SERPINE2: variants seen among roughly 807,000 people sequenced by gnomAD.
The protein encoded by SERPINE2 is serpin family E member 2, also known as glia-derived nexin.
A neutral mutation model predicts 36.3 loss-of-function variants in SERPINE2; 14 were observed. The observed-to-expected ratio is 0.39, with a 90% confidence interval of 0.25 to 0.60. SERPINE2 has a LOEUF of 0.60. Ranked by LOEUF, SERPINE2 falls within the 20% of genes least tolerant of loss-of-function variation. The pLI, the probability that SERPINE2 is intolerant of heterozygous loss-of-function variation, is 0.57. For missense variants in SERPINE2, 418 were observed against 499.6 expected, an observed-to-expected ratio of 0.84 and a Z score of 1.56; for synonymous variants, 192 against 191.8, an observed-to-expected ratio of 1.00 and a Z score of -0.01.
At position 223,989,618 on chromosome 2, in the gene SERPINE2, G is replaced by C. The variant is rs578094708; in HGVS notation, c.685+2185C>G. Among the ~76,000 whole-genome samples the C allele has an allele frequency of 1.4e-4, 22 of 152,288 alleles. No homozygotes were observed. In the South Asian group the frequency reaches 4.6e-3, roughly 32 times the overall value. On this transcript the variant is annotated intron_variant, in intron 4 of 8. Coordinates refer to ENST00000409304, the MANE Select transcript of SERPINE2 (RefSeq NM_001136528.2). ...GGGTTTTGGCCAAGGCAAGAAAACAGGGAACTTATGACACTCTCATGCCCT... is the reference window on the plus strand; with the variant it reads ...GGGTTTTGGCCAAGGCAAGAAAACACGGAACTTATGACACTCTCATGCCCT...
chr2:223,976,372 G>A (rs531256817), intron 8 of SERPINE2, among the ~76,000 whole-genome samples: 30 of 152,208 alleles, frequency 2.0e-4, no homozygotes, highest in African/African-American at 6.7e-4. Flanking sequence ...GGCTGGTCTC[G>A]AACTCCTGAC....
chr2:223,990,201 G>T (rs1247644281), intron 4 of SERPINE2, among the ~76,000 whole-genome samples: 1 of 152,174 alleles, frequency 6.6e-6, no homozygotes, highest in Non-Finnish European at 1.5e-5. Context: ...GGGGCCCAGA[G>T]CAGGGTGGAA....
intron 1 of SERPINE2, among the ~76,000 whole-genome samples, chr2:224,017,303 C>A (rs534284961): frequency 2.0e-5 from 3 of 151,758 alleles, no homozygotes; most frequent in African/African-American, 7.3e-5. Flanking sequence ...ATCTATATAA[C>A]TATCTCAAAA....
At chr2:223,986,102 G>A (rs1690419064) in intron 4 of SERPINE2, among the ~76,000 whole-genome samples, 1 of 152,314 alleles carries the variant, frequency 6.6e-6, no homozygotes, top group East Asian at 1.9e-4. Flanking sequence ...AACAGGGTTG[G>A]GAGGGATGGA....
At position 223,977,547 on chromosome 2, in the gene SERPINE2, T is replaced by C. The variant is rs754841115; in HGVS notation, c.1153A>G (p.Thr385Ala). The C allele has an allele frequency of 1.9e-6, 3 of 1,599,976 alleles. No homozygotes were observed. The highest frequency in any genetic ancestry group is 2.6e-6 in the Non-Finnish European group (3 of 1,167,172). ...PFLFFIRHNP[T>A]GAVLFMGQIN... Reference sequence around the variant, plus strand: ...ATGGAAGAGGAGAGTCACTTACCTGTAGGATTATGTCGGATGAAAAACAGA... The same window carrying C: ...ATGGAAGAGGAGAGTCACTTACCTGCAGGATTATGTCGGATGAAAAACAGA... The change falls in exon 8 of 9, where the codon ACA (threonine) becomes GCA (alanine). Residue 385 changes from threonine (T) to alanine (A), a missense_variant. By Grantham distance (58) the Thr-to-Ala change is moderately conservative. Coordinates refer to ENST00000409304, the MANE Select transcript of SERPINE2 (RefSeq NM_001136528.2).
At chr2:223,998,055 A>G (rs776889705) in intron 3 of SERPINE2, 60 bp downstream of exon 3, 1 of 1,357,396 alleles carries the variant, frequency 7.4e-7, no homozygotes. Context: ...TGAACCCTGG[A>G]GTCTAACTCA....
chr2:223,982,848 G>A (rs1257955941), intron 5 of SERPINE2, 67 bp from the exon 6 acceptor site: 4 of 1,112,158 alleles, frequency 3.6e-6, no homozygotes, highest in African/African-American at 3.1e-5. Flanking sequence ...TAGAGTCGGT[G>A]CATGTTTACA....
At chr2:223,976,200 G>T (rs2106126398) in intron 8 of SERPINE2, among the ~76,000 whole-genome samples, 1 of 152,244 alleles carries the variant, frequency 6.6e-6, no homozygotes, top group Middle Eastern at 3.4e-3. Context: ...ACCCAGGCTG[G>T]AGTACAATGG....
chr2:224,035,379 G>GTTTTGTTTTTGTTTTTTGT (rs142055812), intron 1 of SERPINE2, among the ~76,000 whole-genome samples: 2 of 150,508 alleles, frequency 1.3e-5, no homozygotes, highest in East Asian at 2.0e-4. Context: ...GGTTTTTTTT[G>GTTTTGTTTTTGTTTTTTGT]TTTTGTTTTT....
At position 224,015,796 on chromosome 2, in the gene SERPINE2, T is replaced by C. The variant is rs1457703879; in HGVS notation, c.-22-13874A>G. Among the ~76,000 whole-genome samples, 4 of 152,266 alleles carry C rather than the reference T, an allele frequency of 2.6e-5. No individual in the cohort carries two copies. The East Asian group carries it at 7.7e-4, about 29-fold the overall frequency. On this transcript the variant is annotated intron_variant, in intron 1 of 8. Transcript: ENST00000409304. ...ACTGATAAACTGAAAAACTGATCAA[T>C]TGGACCTCATCAAAATGAAAAGTTT...
intron 4 of SERPINE2, among the ~76,000 whole-genome samples, chr2:223,989,136 A>T (rs1690549918): frequency 6.6e-6 from 1 of 152,224 alleles, no homozygotes; most frequent in Non-Finnish European, 1.5e-5. Context: ...AATCTACTAA[A>T]AATGATTTTA....
intron 1 of SERPINE2, among the ~76,000 whole-genome samples, chr2:224,017,093 T>C (rs866826940): frequency 6.6e-5 from 10 of 152,278 alleles, no homozygotes; most frequent in South Asian, 4.1e-4. Context: ...TAAAACTGCA[T>C]AGAAGTAAAT....
chr2:224,032,180 A>G (rs976219914), intron 1 of SERPINE2, among the ~76,000 whole-genome samples: 13 of 152,220 alleles, frequency 8.5e-5, no homozygotes, highest in Admixed American at 7.9e-4. Flanking sequence ...TTAGTAGAGG[A>G]AGCAAACATT....
intron 3 of SERPINE2, among the ~76,000 whole-genome samples, chr2:223,993,528 A>ATGTGTGTGTGTG (rs1344521820): frequency 1.4e-5 from 1 of 72,452 alleles, no homozygotes; most frequent in African/African-American, 4.6e-5. Context: ...TAGCTCAAAT[A>ATGTGTGTGTGTG]TATGTGTGTG....
intron 1 of SERPINE2, among the ~76,000 whole-genome samples, chr2:224,003,961 T>C (rs1293926549): frequency 4.6e-5 from 7 of 152,158 alleles, no homozygotes; most frequent in Non-Finnish European, 8.8e-5. Context: ...ACAACCACAG[T>C]GTTAGGCAAA....
chr2:223,985,980 G>A (rs559540001), intron 4 of SERPINE2, among the ~76,000 whole-genome samples: 2 of 152,342 alleles, frequency 1.3e-5, no homozygotes, highest in African/African-American at 4.8e-5. Flanking sequence ...CAGCAAACAA[G>A]AAGAGAGAAA....
chr2:224,031,759 A>ACCCC (rs5839038), intron 1 of SERPINE2, among the ~76,000 whole-genome samples: 1 of 93,686 alleles, frequency 1.1e-5, no homozygotes, highest in African/African-American at 3.7e-5. Flanking sequence ...TCCACCCCCC[A>ACCCC]CCCCCCCCGC....
At chr2:224,027,612 G>A (rs1692228645) in intron 1 of SERPINE2, among the ~76,000 whole-genome samples, 1 of 152,040 alleles carries the variant, frequency 6.6e-6, no homozygotes, top group Non-Finnish European at 1.5e-5. Flanking sequence ...TTATCACCAT[G>A]ATAATAAAAA....
At chr2:223,992,293 G>A (rs1228324482) in intron 3 of SERPINE2, among the ~76,000 whole-genome samples, 1 of 151,880 alleles carries the variant, frequency 6.6e-6, no homozygotes, top group Non-Finnish European at 1.5e-5. Context: ...GCAAGTCCAG[G>A]CTTTAAAAAA....
Sources: gnomAD v4.1 joint callset for allele counts (sites outside exome capture counted in the v4.1 genomes callset) on GRCh38, gnomAD v4.1.1 for gene constraint, MANE v1.5 for transcripts, NCBI Gene and HGNC (gene_info 2026-07-23, HGNC 2026-07-21) for gene names.